MGAT5: variants seen among roughly 807,000 people sequenced by gnomAD.
MGAT5 encodes alpha-1,6-mannosylglycoprotein 6-beta-N-acetylglucosaminyltransferase.
Under a neutral mutation model 94.3 loss-of-function variants are expected in MGAT5, and 30 were observed. That is an observed-to-expected ratio of 0.32 (90% CI 0.24 to 0.43). The LOEUF is 0.43. MGAT5 is among the 20% of genes least tolerant of loss of function. The pLI, the probability that MGAT5 is intolerant of heterozygous loss-of-function variation, is 1.00. For synonymous variants in MGAT5, 310 were observed against 322.9 expected, an observed-to-expected ratio of 0.96 and a Z score of 0.43; for missense variants, 691 against 905.5, an observed-to-expected ratio of 0.76 and a Z score of 3.04.
chr2:134,370,775 T>A (rs1361431808), intron 10 of MGAT5, among the ~76,000 whole-genome samples: 1 of 152,230 alleles, frequency 6.6e-6, no homozygotes, highest in East Asian at 1.9e-4. Flanking sequence ...AGAAATAAAA[T>A]GCAAAGGGAA....
chr2:134,350,182 A>G (rs1490754344), intron 9 of MGAT5, among the ~76,000 whole-genome samples: 2 of 152,202 alleles, frequency 1.3e-5, no homozygotes, highest in African/African-American at 4.8e-5. Context: ...AATGTTCAAT[A>G]CAAAGTATCT....
chr2:134,271,049 C>T (rs1200380035), intron 2 of MGAT5, among the ~76,000 whole-genome samples: 2 of 152,162 alleles, frequency 1.3e-5, no homozygotes, highest in African/African-American at 4.8e-5. Context: ...CCTGCCTAGT[C>T]GTAGGCAGAT....
chr2:134,163,376 C>T (rs544190713), intron 1 of MGAT5, among the ~76,000 whole-genome samples: 1 of 152,208 alleles, frequency 6.6e-6, no homozygotes, highest in Non-Finnish European at 1.5e-5. Context: ...GACGGTTCAC[C>T]TGGCAGGTGT....
chr2:134,178,099 CA>C (rs1035763038), intron 1 of MGAT5, among the ~76,000 whole-genome samples: 82 of 142,014 alleles, frequency 5.8e-4, no homozygotes, highest in African/African-American at 1.6e-3. Context: ...TTTTTTCTCT[CA>C]AAAAAAAAAG....
rs80062171 is a variant in MGAT5 at position 134,328,037 on chromosome 2, G to T, written c.574-8180G>T. Among the ~76,000 whole-genome samples, 1,261 of 152,186 alleles carry T rather than the reference G, an allele frequency of 8.3e-3. 15 individuals are homozygous for T. The highest frequency in any genetic ancestry group is 0.029 in the African/African-American group (1,215 of 41,538). The stretch of plus-strand genomic sequence containing the variant: ...GAGTTGCTATAGAAAGTATCTCTAT[G>T]CATTATCTGTTTGGTTGGCTACAGA... On this transcript the variant is annotated intron_variant, in intron 4 of 15. Transcript: ENST00000281923.
At chr2:134,381,532 C>CAGATAGATAGATAGATAGAT (rs1342885922) in intron 10 of MGAT5, among the ~76,000 whole-genome samples, 4 of 36,124 alleles carry the variant, frequency 1.1e-4, no homozygotes, top group Non-Finnish European at 3.8e-4. Context: ...GACAGACAGA[C>CAGATAGATAGATAGATAGAT]AGACAGATAG....
chr2:134,264,434 A>G (rs1293599070), intron 1 of MGAT5, among the ~76,000 whole-genome samples: 1 of 152,242 alleles, frequency 6.6e-6, no homozygotes, highest in Admixed American at 6.5e-5. Flanking sequence ...AGAGATGACA[A>G]GCAGACTTGG....
At chr2:134,305,074 T>G (rs1348639930) in intron 2 of MGAT5, among the ~76,000 whole-genome samples, 83 of 148,088 alleles carry the variant, frequency 5.6e-4, no homozygotes, top group Non-Finnish European at 4.5e-5. Flanking sequence ...TATTCTGGCT[T>G]TCAGCTTCTT....
chr2:134,432,496 A>G (rs1684939145), intron 14 of MGAT5, among the ~76,000 whole-genome samples: 1 of 152,190 alleles, frequency 6.6e-6, no homozygotes, highest in Admixed American at 6.5e-5. Flanking sequence ...GGTGGGAGCA[A>G]TGGTAGAGGT....
At chr2:134,120,298 G>A (rs1685503080) in intron 1 of MGAT5, 3 of 391,586 alleles carry the variant, frequency 7.7e-6, no homozygotes, top group Admixed American at 4.5e-5. Flanking sequence ...GGAGGTAAGA[G>A]CTGCCGGATC....
intron 1 of MGAT5, among the ~76,000 whole-genome samples, chr2:134,168,614 C>T (rs552433963): frequency 1.4e-4 from 21 of 152,246 alleles, no homozygotes; most frequent in African/African-American, 4.8e-4. Context: ...TTGTAGGGCT[C>T]TTTTCTATGT....
chr2:134,392,863 CT>C (rs1682493734), intron 10 of MGAT5, among the ~76,000 whole-genome samples: 1 of 150,562 alleles, frequency 6.6e-6, no homozygotes, highest in South Asian at 2.1e-4. Context: ...GGGGGCACCC[CT>C]GGGTCAGTGG....
intron 1 of MGAT5, among the ~76,000 whole-genome samples, chr2:134,144,642 T>C (rs1013150902): frequency 1.3e-5 from 2 of 152,234 alleles, no homozygotes; most frequent in African/African-American, 2.4e-5. Context: ...TTAATTTATA[T>C]ATATTTTCTT....
chr2:134,164,304 G>A (rs1052967046), intron 1 of MGAT5, among the ~76,000 whole-genome samples: 2 of 152,190 alleles, frequency 1.3e-5, no homozygotes, highest in African/African-American at 4.8e-5. Flanking sequence ...CCAACTTTCA[G>A]TGAAGCAATT....
chr2:134,241,231 C>A (rs1295497676), intron 1 of MGAT5, among the ~76,000 whole-genome samples: 4 of 152,208 alleles, frequency 2.6e-5, no homozygotes, highest in Non-Finnish European at 4.4e-5. Context: ...CCTGTCCTTC[C>A]CGCTCTGGGA....
chr2:134,414,335 C>T (rs538112768), intron 12 of MGAT5, among the ~76,000 whole-genome samples: 2 of 152,198 alleles, frequency 1.3e-5, no homozygotes, highest in South Asian at 2.1e-4. Flanking sequence ...TTCAGTCTGC[C>T]GTGAACCTAT....
chr2:134,425,017 A>G (rs1216574270), intron 13 of MGAT5, among the ~76,000 whole-genome samples: 5 of 152,246 alleles, frequency 3.3e-5, no homozygotes, highest in African/African-American at 1.2e-4. Context: ...AGGACAGCAT[A>G]TCTTGTAAAG....
chr2:134,130,887 C>A (rs991569527), intron 1 of MGAT5, among the ~76,000 whole-genome samples: 2 of 152,194 alleles, frequency 1.3e-5, no homozygotes, highest in Admixed American at 1.3e-4. Flanking sequence ...ATTGTAAATG[C>A]ACCAATCAGC....
At chr2:134,253,837 A>G (rs1682765001), upstream of MGAT5, among the ~76,000 whole-genome samples, 1 of 152,196 alleles carries the variant, frequency 6.6e-6, no homozygotes, top group Non-Finnish European at 1.5e-5. Context: ...CACCAGTTGC[A>G]TGTTCTAGTC....
Sources: gnomAD v4.1 joint callset for allele counts (sites outside exome capture counted in the v4.1 genomes callset) on GRCh38, gnomAD v4.1.1 for gene constraint, MANE v1.5 for transcripts, NCBI Gene and HGNC (gene_info 2026-07-23, HGNC 2026-07-21) for gene names.